Variants in EIF4ENIF1 observed in about 807,000 individuals in gnomAD.
The protein encoded by EIF4ENIF1 is eukaryotic translation initiation factor 4E transporter.
A neutral mutation model predicts 110.5 loss-of-function variants in EIF4ENIF1; 23 were observed. The ratio of observed to expected loss-of-function variants is 0.21; its 90% CI spans 0.15 to 0.29. EIF4ENIF1 has a LOEUF of 0.29. Ranked by LOEUF, EIF4ENIF1 falls within the 10% of genes least tolerant of loss-of-function variation. The probability of loss-of-function intolerance (pLI) is 1.00; values close to 1 mark genes in which losing one functional copy is unlikely to be tolerated. For missense variants in EIF4ENIF1, 1,031 were observed against 1,221.1 expected, an observed-to-expected ratio of 0.84 and a Z score of 2.32; for synonymous variants, 440 against 437.0, an observed-to-expected ratio of 1.01 and a Z score of -0.09.
In EIF4ENIF1 at chr22:31,487,276, A is replaced by G. The variant is rs56113803; in HGVS notation, c.96+1347T>C. Among the ~76,000 whole-genome samples the G allele has an allele frequency of 6.9e-3, 1,047 of 152,324 alleles. 12 individuals carry two copies. The highest frequency in any genetic ancestry group is 0.011 in the Non-Finnish European group (742 of 68,026). On this transcript the variant is annotated intron_variant, in intron 2 of 18. Transcript: ENST00000330125. ...TATCAACTTACATGCTGTCATACCA[A>G]AACAGATCATCCTAAGAGAGCAATC...
intron 14 of EIF4ENIF1, among the ~76,000 whole-genome samples, chr22:31,446,636 A>T (rs2050489424): frequency 6.6e-6 from 1 of 152,200 alleles, no homozygotes; most frequent in South Asian, 2.1e-4. Flanking sequence ...ATTATTTTTA[A>T]TTAAGGTAGT....
At chr22:31,462,143 C>T (rs1270075103) in intron 6 of EIF4ENIF1, among the ~76,000 whole-genome samples, 3 of 143,560 alleles carry the variant, frequency 2.1e-5, no homozygotes, top group Non-Finnish European at 3.1e-5. Flanking sequence ...GCAGGCAGAA[C>T]GAGTTAGGGA....
At chr22:31,492,326 GACTCC>G (rs1052270291), upstream of EIF4ENIF1, among the ~76,000 whole-genome samples, 80 of 152,338 alleles carry the variant, frequency 5.3e-4, no homozygotes, top group Admixed American at 1.7e-3. Flanking sequence ...AAGGAACTTA[GACTCC>G]ACCTCTATGT....
At chr22:31,466,592 CA>C (rs1052438698) in intron 4 of EIF4ENIF1, among the ~76,000 whole-genome samples, 3 of 128,422 alleles carry the variant, frequency 2.3e-5, no homozygotes, top group Admixed American at 9.9e-5. Context: ...AAAAAAACAA[CA>C]AAAAAAAACA....
intron 12 of EIF4ENIF1, 124 bp from the exon 13 acceptor site, chr22:31,448,356 G>A (rs1946878754): frequency 1.1e-6 from 1 of 950,342 alleles, no homozygotes; most frequent in Non-Finnish European, 1.7e-6. Flanking sequence ...TTATTGGGCT[G>A]ACAGATGTCC....
chr22:31,440,238 C>A, intron 18 of EIF4ENIF1, 117 bp from the exon 19 acceptor site: 2 of 1,425,098 alleles, frequency 1.4e-6, no homozygotes, highest in Non-Finnish European at 1.9e-6. Flanking sequence ...TCTAGGGCTT[C>A]TTTAGAAACT....
intron 11 of EIF4ENIF1, among the ~76,000 whole-genome samples, chr22:31,449,973 C>T (rs2050596076): frequency 6.6e-6 from 1 of 152,046 alleles, no homozygotes; most frequent in Non-Finnish European, 1.5e-5. Context: ...TCAGGTGATC[C>T]ACCCACCTCA....
chr22:31,467,316 C>G (rs2051223125), intron 4 of EIF4ENIF1, among the ~76,000 whole-genome samples: 1 of 152,062 alleles, frequency 6.6e-6, no homozygotes, highest in Non-Finnish European at 1.5e-5. Context: ...TCGTTTAGTT[C>G]CAAGTTTTTA....
chr22:31,450,887 AC>A, intron 10 of EIF4ENIF1: 2 of 160,608 alleles, frequency 1.2e-5, no homozygotes, highest in Middle Eastern at 6.1e-3. Context: ...ACACACACAC[AC>A]ACACACAAAA....
intron 2 of EIF4ENIF1, among the ~76,000 whole-genome samples, chr22:31,477,853 T>A (rs1368260635): frequency 6.6e-6 from 1 of 152,180 alleles, no homozygotes; most frequent in African/African-American, 2.4e-5. Flanking sequence ...AGGTAAACAG[T>A]ATTTACTGTT....
At chr22:31,448,808 C>T (rs2050557849) in intron 12 of EIF4ENIF1, among the ~76,000 whole-genome samples, 2 of 152,248 alleles carry the variant, frequency 1.3e-5, no homozygotes, top group East Asian at 3.9e-4. Context: ...TCATAGATAA[C>T]CACTACACTG....
intron 2 of EIF4ENIF1, among the ~76,000 whole-genome samples, chr22:31,475,287 C>A (rs1201848789): frequency 6.6e-6 from 1 of 152,018 alleles, no homozygotes; most frequent in African/African-American, 2.4e-5. Flanking sequence ...TGTCAAAGAA[C>A]ATACAACCTA....
In EIF4ENIF1 at chr22:31,444,686, G is replaced by A; in HGVS notation, c.1993C>T (p.Gln665Ter). ...RTRDGFRNRQ[Q>*]RVTKSPAPVH... is the part of the protein sequence containing the mutation. ...GGTGCTGGTGACTTGGTCACTCGCTGTTGCCTGTGAACAAACCAATTATCA... is the reference window on the plus strand; with the variant it reads ...GGTGCTGGTGACTTGGTCACTCGCTATTGCCTGTGAACAAACCAATTATCA... The change falls in exon 15 of 19, where the codon CAG becomes TAG. Residue 665 changes from glutamine (Q) to a stop codon, truncating the protein, a stop_gained. Coordinates refer to ENST00000330125, the MANE Select transcript of EIF4ENIF1 (RefSeq NM_019843.4). LOFTEE classifies it high-confidence loss of function. 6.2e-7 allele frequency: 1 copy of A among 1,614,018 alleles called. No individual in the cohort carries two copies. The highest frequency in any genetic ancestry group is 1.1e-5 in the South Asian group (1 of 91,086).
chr22:31,476,409 A>G (rs2051574366), intron 2 of EIF4ENIF1, among the ~76,000 whole-genome samples: 1 of 152,220 alleles, frequency 6.6e-6, no homozygotes, highest in South Asian at 2.1e-4. Context: ...GGAAAGGTTA[A>G]TACTTTAACA....
At position 31,441,919 on chromosome 22, in the gene EIF4ENIF1, T is replaced by G. The variant is rs1450843206; in HGVS notation, c.2406A>C (p.Thr802=). 6.2e-7 allele frequency: 1 copy of G among 1,613,928 alleles called. No homozygotes were observed. Among genetic ancestry groups the G allele is most frequent in the East Asian group, 2.2e-5 (1 of 44,872 alleles). The change falls in exon 17 of 19, where the codon ACA becomes ACC. Residue 802 remains threonine (T), a synonymous_variant. Coordinates refer to ENST00000330125, the MANE Select transcript of EIF4ENIF1 (RefSeq NM_019843.4). ...TPTLASPVPT[T]PFLRPVHQVP... Reference sequence around the variant, plus strand: ...CTTGGTGGACAGGGCGGAGAAAAGGTGTTGTAGGAACTGGGGATGCCAAGG... The same window carrying G: ...CTTGGTGGACAGGGCGGAGAAAAGGGGTTGTAGGAACTGGGGATGCCAAGG...
intron 12 of EIF4ENIF1, among the ~76,000 whole-genome samples, chr22:31,448,487 A>G (rs556852204): frequency 6.6e-6 from 1 of 152,322 alleles, no homozygotes; most frequent in East Asian, 1.9e-4. Context: ...TCTGGGAGAG[A>G]AGAGCTTTCC....
At chr22:31,475,169 T>C (rs1283670311) in intron 2 of EIF4ENIF1, among the ~76,000 whole-genome samples, 1 of 152,218 alleles carries the variant, frequency 6.6e-6, no homozygotes, top group African/African-American at 2.4e-5. Context: ...ATCAATTACC[T>C]GTCTTATAAC....
upstream of EIF4ENIF1, among the ~76,000 whole-genome samples, chr22:31,492,878 C>T (rs1028541330): frequency 6.6e-6 from 1 of 152,032 alleles, no homozygotes; most frequent in African/African-American, 2.4e-5. Context: ...ATTACAGGCG[C>T]ATGCCACCAC....
rs1468892329 is a variant in EIF4ENIF1 at position 31,441,870 on chromosome 22, T to C, written c.2455A>G (p.Met819Val). 3.1e-6 allele frequency: 5 copies of C among 1,613,818 alleles called. No individual in the cohort carries two copies. Among genetic ancestry groups the C allele is most frequent in the South Asian group, 1.1e-5 (1 of 91,074 alleles). ...TGAAGCTGGTGAGCAGGCCTAACCA[T>C]AGGGACATGGGGGACAAGGGGAACT... The part of the protein sequence containing the change: ...HQVPLVPHVP[M>V]VRPAHQLHPG... Residue 819 changes from methionine (M) to valine (V), a missense_variant, in exon 17 of 19, where the codon ATG becomes GTG. Coordinates refer to ENST00000330125, the MANE Select transcript of EIF4ENIF1 (RefSeq NM_019843.4).
Sources: allele counts gnomAD v4.1 joint callset (sites outside exome capture counted in the v4.1 genomes callset), GRCh38; gene constraint gnomAD v4.1.1; transcripts MANE v1.5; gene names NCBI Gene and HGNC (gene_info 2026-07-23, HGNC 2026-07-21).